Variants in NIN observed in about 807,000 individuals in gnomAD.
The protein encoded by NIN is glycogen synthase kinase 3 beta-interacting protein.
A neutral mutation model predicts 257.6 loss-of-function variants in NIN; 137 were observed. That is an observed-to-expected ratio of 0.53 (90% CI 0.46 to 0.61). The LOEUF is 0.61. Ranked by LOEUF, NIN falls within the 20% of genes least tolerant of loss-of-function variation. The probability of loss-of-function intolerance (pLI) is 0.00; values close to 1 mark genes in which losing one functional copy is unlikely to be tolerated. For missense variants in NIN, 2,439 were observed against 2,501.2 expected, an observed-to-expected ratio of 0.98 and a Z score of 0.53; for synonymous variants, 918 against 919.8, an observed-to-expected ratio of 1.00 and a Z score of 0.04.
At chr14:50,794,936 G>A (rs2043773492) in intron 4 of NIN, among the ~76,000 whole-genome samples, 1 of 152,118 alleles carries the variant, frequency 6.6e-6, no homozygotes, top group African/African-American at 2.4e-5. Flanking sequence ...CTTTTTCTAA[G>A]CAATAAAAGG....
At chr14:50,803,069 C>A (rs181610645) in intron 4 of NIN, among the ~76,000 whole-genome samples, 1 of 152,082 alleles carries the variant, frequency 6.6e-6, no homozygotes, top group South Asian at 2.1e-4. Context: ...ATAACACAGA[C>A]CTCGCCGGGC....
Position 50,729,555 on chromosome 14 carries a change from C to A in NIN, c.6046G>T (p.Glu2016Ter). ...GTGTTGGTTTCGGAGGTCCTGTTTT[C>A]AAGTTCCTCCTGCAGGTGCTGGTTT... ...RINQHLQEEL[E>*]NRTSETNTPQ... Residue 2016 changes from glutamate (E) to a stop codon, truncating the protein, a stop_gained, in exon 29 of 31, where the codon GAA becomes TAA. Transcript: ENST00000530997. LOFTEE classifies it high-confidence loss of function. The A allele has an allele frequency of 6.2e-7, 1 of 1,614,028 alleles. No homozygotes were observed. The highest frequency in any genetic ancestry group is 8.5e-7 in the Non-Finnish European group (1 of 1,179,974).
At chr14:50,774,103 T>C (rs999943729) in intron 7 of NIN, among the ~76,000 whole-genome samples, 9 of 152,338 alleles carry the variant, frequency 5.9e-5, no homozygotes, top group Non-Finnish European at 1.0e-4. Flanking sequence ...GATTCAGATT[T>C]CGGCATTTCT....
intron 4 of NIN, among the ~76,000 whole-genome samples, chr14:50,803,086 G>C (rs1445444276): frequency 6.6e-6 from 1 of 152,192 alleles, no homozygotes; most frequent in East Asian, 1.9e-4. Context: ...GGGCGCAGTG[G>C]CTCATGCCTG....
intron 21 of NIN, among the ~76,000 whole-genome samples, chr14:50,748,897 A>G (rs200170590): frequency 6.6e-6 from 1 of 152,170 alleles, no homozygotes; most frequent in Non-Finnish European, 1.5e-5. Flanking sequence ...AAAGTAATTT[A>G]TAGATTCGGT....
At chr14:50,808,188 C>T (rs1004408563) in intron 3 of NIN, among the ~76,000 whole-genome samples, 6 of 151,808 alleles carry the variant, frequency 4.0e-5, no homozygotes, top group South Asian at 4.1e-4. Context: ...AAAGGGTAAA[C>T]GACTGTAGAA....
intron 5 of NIN, among the ~76,000 whole-genome samples, chr14:50,787,156 G>A (rs1273024101): frequency 6.6e-6 from 1 of 152,132 alleles, no homozygotes; most frequent in Non-Finnish European, 1.5e-5. Context: ...AAAAATGACT[G>A]TATAACACCC....
rs111773814 is a variant in NIN at position 50,800,933 on chromosome 14, C to T, written c.265+5804G>A. Among the ~76,000 whole-genome samples, 206 of 152,068 alleles carry T rather than the reference C, an allele frequency of 1.4e-3. 1 individual carries two copies. The highest frequency in any genetic ancestry group is 4.6e-3 in the African/African-American group (191 of 41,468). ...GAGTATCTGGCATTACAAGCGTGCA[C>T]CACCACGCCCAGCTAATTTTTGTAT... On this transcript the variant is annotated intron_variant, in intron 4 of 30. Coordinates refer to ENST00000530997, the MANE Select transcript of NIN (RefSeq NM_020921.4).
chr14:50,780,161 G>A (rs1159048579), intron 5 of NIN, among the ~76,000 whole-genome samples: 2 of 152,304 alleles, frequency 1.3e-5, no homozygotes, highest in East Asian at 1.9e-4. Context: ...TCCAGCAAAT[G>A]GCTTTAGCCT....
At chr14:50,796,988 T>C (rs1437763824) in intron 4 of NIN, among the ~76,000 whole-genome samples, 1 of 152,236 alleles carries the variant, frequency 6.6e-6, no homozygotes, top group Non-Finnish European at 1.5e-5. Flanking sequence ...AAAATCATTA[T>C]GCAAAAGCCT....
intron 30 of NIN, 121 bp downstream of exon 30, chr14:50,725,832 T>C (rs2040386781): frequency 6.4e-7 from 1 of 1,555,730 alleles, no homozygotes; most frequent in Non-Finnish European, 8.8e-7. Context: ...CAGACATTTA[T>C]AATAGAATTT....
At chr14:50,740,343 C>T (rs368935628) in intron 25 of NIN, among the ~76,000 whole-genome samples, 1 of 144,296 alleles carries the variant, frequency 6.9e-6, no homozygotes, top group East Asian at 2.0e-4. Context: ...CATGTACTAC[C>T]ACAGCTGGCT....
intron 4 of NIN, among the ~76,000 whole-genome samples, chr14:50,803,212 G>C (rs2044172655): frequency 6.6e-6 from 1 of 152,174 alleles, no homozygotes; most frequent in Non-Finnish European, 1.5e-5. Context: ...AAATGAGCCA[G>C]GCGTAGTGGT....
At position 50,720,885 on chromosome 14, in the gene NIN, T is replaced by TA. The variant is rs946223171; in HGVS notation, c.*2577dup. The TA allele has an allele frequency of 2.5e-5, 5 of 198,048 alleles. No homozygotes were observed. Among genetic ancestry groups the TA allele is most frequent in the Non-Finnish European group, 4.2e-5 (4 of 95,784 alleles). The allele number at this position is 198,048 out of a possible 1,614,324, so 12.3% of individuals were successfully genotyped here. Reference sequence around the variant, plus strand: ...TCCCATCTTCTGAGACGATCTTAAATAATTGTTCTTAAATCAAAAAGTTTG... The same window carrying TA: ...TCCCATCTTCTGAGACGATCTTAAATAAATTGTTCTTAAATCAAAAAGTTTG... On this transcript the variant is annotated 3_prime_UTR_variant, in exon 31 of 31. Coordinates refer to ENST00000530997, the MANE Select transcript of NIN (RefSeq NM_020921.4).
At chr14:50,831,235 T>TCCGG (rs1217722094), upstream of NIN, 3 of 151,222 alleles carry the variant, frequency 2.0e-5, no homozygotes, top group Non-Finnish European at 4.4e-5. Flanking sequence ...CCCGCGCGGC[T>TCCGG]CAGGCAGCGG....
At chr14:50,729,428 T>G in intron 29 of NIN, 95 bp downstream of exon 29, 8 of 1,210,380 alleles carry the variant, frequency 6.6e-6, no homozygotes, top group East Asian at 2.4e-5. Flanking sequence ...TGCCATTAGA[T>G]TTAGGTTCTT....
upstream of NIN, among the ~76,000 whole-genome samples, chr14:50,831,338 G>T (rs1318844981): frequency 2.0e-5 from 3 of 152,096 alleles, no homozygotes; most frequent in Non-Finnish European, 4.4e-5. Context: ...AAACGCCGGG[G>T]CTCCGGGTGC....
At chr14:50,823,218 T>C in intron 2 of NIN, 1 of 573,936 alleles carries the variant, frequency 1.7e-6, no homozygotes, top group South Asian at 1.4e-5. Context: ...GATGAAAGCC[T>C]GAAACCTGCA....
At chr14:50,776,847 A>T in intron 7 of NIN, 102 bp downstream of exon 7, 1 of 1,020,242 alleles carries the variant, frequency 9.8e-7, no homozygotes, top group Non-Finnish European at 1.4e-6. Context: ...AAGAAAATGG[A>T]GCCTAACAAG....
Sources: allele counts gnomAD v4.1 joint callset (sites outside exome capture counted in the v4.1 genomes callset), GRCh38; gene constraint gnomAD v4.1.1; transcripts MANE v1.5; gene names NCBI Gene and HGNC (gene_info 2026-07-23, HGNC 2026-07-21).